The following KLHL20 variants were observed in gnomAD, a reference collection of about 807,000 sequenced individuals.
The protein encoded by KLHL20 is kelch like family member 20.
A neutral mutation model predicts 69.5 loss-of-function variants in KLHL20; 29 were observed. The ratio of observed to expected loss-of-function variants is 0.42; its 90% CI spans 0.31 to 0.57. The LOEUF is 0.57. Ranked by LOEUF, KLHL20 falls within the 20% of genes least tolerant of loss-of-function variation. The pLI is 0.18. For missense variants in KLHL20, 419 were observed against 776.0 expected (o/e 0.54, Z 5.47); for synonymous variants, 253 against 265.2 (o/e 0.95, Z 0.45).
At chr1:173,763,375 GA>G (rs746689696) in intron 7 of KLHL20, among the ~76,000 whole-genome samples, 18 of 152,056 alleles carry the variant, frequency 1.2e-4, no homozygotes, top group African/African-American at 2.2e-4. Flanking sequence ...CACAGAATTA[GA>G]AAAAAACAAT....
chr1:173,781,564 C>T (rs1648879649), intron 10 of KLHL20, among the ~76,000 whole-genome samples: 1 of 152,164 alleles, frequency 6.6e-6, no homozygotes, highest in Non-Finnish European at 1.5e-5. Flanking sequence ...GATCCACCGA[C>T]CTCAGCCTCC....
intron 10 of KLHL20, 179 bp from the exon 11 acceptor site, chr1:173,781,945 T>G (rs1049965803): frequency 7.6e-6 from 4 of 524,446 alleles, no homozygotes; most frequent in Non-Finnish European, 1.4e-5. Flanking sequence ...GAATATATAA[T>G]TTTATAGTTC....
At chr1:173,718,520 TG>T (rs1473147490) in intron 2 of KLHL20, among the ~76,000 whole-genome samples, 1 of 145,858 alleles carries the variant, frequency 6.9e-6, no homozygotes, top group Non-Finnish European at 1.5e-5. Context: ...AACCCCAACC[TG>T]GGCAACAGAG....
At chr1:173,755,051 G>T (rs1443488016) in intron 5 of KLHL20, among the ~76,000 whole-genome samples, 1 of 146,684 alleles carries the variant, frequency 6.8e-6, no homozygotes, top group Non-Finnish European at 1.5e-5. Flanking sequence ...GGAGATCAAA[G>T]TCTTTGTCTT....
chr1:173,727,643 C>G (rs972032583), intron 2 of KLHL20, among the ~76,000 whole-genome samples: 1 of 152,098 alleles, frequency 6.6e-6, no homozygotes, highest in Non-Finnish European at 1.5e-5. Flanking sequence ...TCATATCCAG[C>G]CAAACTAAGC....
chr1:173,726,364 A>G (rs1671959249), intron 2 of KLHL20, among the ~76,000 whole-genome samples: 1 of 151,518 alleles, frequency 6.6e-6, no homozygotes, highest in African/African-American at 2.4e-5. Flanking sequence ...ACCTCTGCAC[A>G]CTTAAATGTC....
chr1:173,725,988 C>T (rs1671939523), intron 2 of KLHL20, among the ~76,000 whole-genome samples: 1 of 152,204 alleles, frequency 6.6e-6, no homozygotes, highest in Non-Finnish European at 1.5e-5. Flanking sequence ...AGGGAATTCC[C>T]TTTCCTAGCC....
At chr1:173,753,419 G>T in intron 5 of KLHL20, 112 bp downstream of exon 5, 1 of 763,194 alleles carries the variant, frequency 1.3e-6, no homozygotes, top group Non-Finnish European at 2.2e-6. Flanking sequence ...TGAAACCAGG[G>T]CTTTAATTTA....
chr1:173,715,784 C>T (rs1271803945), intron 1 of KLHL20: 4 of 458,674 alleles, frequency 8.7e-6, no homozygotes, highest in Non-Finnish European at 1.2e-5. Flanking sequence ...ATTTAGCATA[C>T]TTTCCCTCAC....
intron 7 of KLHL20, among the ~76,000 whole-genome samples, chr1:173,763,104 C>G (rs1647426209): frequency 2.0e-5 from 3 of 151,946 alleles, no homozygotes; most frequent in Non-Finnish European, 4.4e-5. Flanking sequence ...AGAATCAAAT[C>G]AAGAACTCAA....
At position 173,768,049 on chromosome 1, in the gene KLHL20, G is replaced by T. The variant is rs1226874878; in HGVS notation, c.1295+1760G>T. ...GCATACCACTTGTGAAATCTGTTCT[G>T]ATTTTTTTCCTGAATCTACCTGGAG... On this transcript the variant is annotated intron_variant, in intron 8 of 11. Coordinates refer to ENST00000209884, the MANE Select transcript of KLHL20 (RefSeq NM_014458.4). 2.0e-5 allele frequency among the ~76,000 whole-genome samples: 3 copies of T among 152,068 alleles called. No homozygotes were observed. In the East Asian group the frequency reaches 5.8e-4, roughly 29 times the overall value.
chr1:173,751,648 G>A (rs567685695), intron 3 of KLHL20, 116 bp from the exon 4 acceptor site: 31 of 887,588 alleles, frequency 3.5e-5, no homozygotes, highest in South Asian at 3.3e-4. Context: ...CTCTGGTATC[G>A]TTTGAAACTT....
rs374227719 is a variant in KLHL20, at chr1:173,728,409, T to G, written c.24-5304T>G. On this transcript the variant is annotated intron_variant, in intron 2 of 11. Coordinates refer to ENST00000209884, the MANE Select transcript of KLHL20 (RefSeq NM_014458.4). ...CAAGTGGACCTAATAGACATCTACA[T>G]AACTCTCCACCCCAAATCAACAGAA... 9.9e-5 allele frequency among the ~76,000 whole-genome samples: 15 copies of G among 152,208 alleles called. No individual in the cohort carries two copies. In the South Asian group the frequency reaches 1.5e-3, roughly 15 times the overall value.
intron 10 of KLHL20, among the ~76,000 whole-genome samples, chr1:173,779,195 A>C (rs1648685868): frequency 1.3e-5 from 2 of 152,152 alleles, no homozygotes; most frequent in Middle Eastern, 3.4e-3. Flanking sequence ...TTCTTCATTG[A>C]CCCACTGGTC....
In KLHL20 at chr1:173,719,104, C is replaced by CAAAAAAAAA. The variant is rs751845202; in HGVS notation, c.23+3041_23+3049dup. 7.5e-5 allele frequency among the ~76,000 whole-genome samples: 8 copies of CAAAAAAAAA among 106,166 alleles called. 1 individual carries two copies. Among genetic ancestry groups the CAAAAAAAAA allele is most frequent in the East Asian group, 5.9e-4 (2 of 3,404 alleles). The allele number at this position is 106,166 out of a possible 152,430, so 69.6% of individuals were successfully genotyped here. A position where few individuals can be genotyped will look rare whatever the true frequency, so the allele number is the denominator to read the frequency against. Reference sequence around the variant, plus strand: ...TGGGCTAAACAGCGGGACTCCGTCTCAAAAAAAAAAAGAAAAATTATTTTG... The same window carrying CAAAAAAAAA: ...TGGGCTAAACAGCGGGACTCCGTCTCAAAAAAAAAAAAAAAAAAAAGAAAAATTATTTTG... On this transcript the variant is annotated intron_variant, in intron 2 of 11. Coordinates refer to ENST00000209884, the MANE Select transcript of KLHL20 (RefSeq NM_014458.4).
intron 10 of KLHL20, among the ~76,000 whole-genome samples, chr1:173,776,128 T>A (rs1028744131): frequency 6.6e-6 from 1 of 152,238 alleles, no homozygotes; most frequent in African/African-American, 2.4e-5. Context: ...AAAGCCATTT[T>A]AACTGGGGTG....
chr1:173,742,660 C>G (rs992707282), intron 3 of KLHL20, among the ~76,000 whole-genome samples: 2 of 149,340 alleles, frequency 1.3e-5, no homozygotes, highest in Non-Finnish European at 3.0e-5. Flanking sequence ...TGTATATACA[C>G]GTATGTGTAT....
intron 2 of KLHL20, among the ~76,000 whole-genome samples, chr1:173,732,318 T>C (rs1558187286): frequency 6.6e-6 from 1 of 151,734 alleles, no homozygotes; most frequent in Non-Finnish European, 1.5e-5. Flanking sequence ...TCTCAAAAAT[T>C]AAAAAAAATC....
intron 10 of KLHL20, 46 bp from the exon 11 acceptor site, chr1:173,782,078 C>T (rs761171274): frequency 3.5e-5 from 46 of 1,315,196 alleles, no homozygotes; most frequent in Admixed American, 1.5e-4. Flanking sequence ...AATTTCCTTA[C>T]GATTGTCTAG....
Sources: allele counts gnomAD v4.1 joint callset (sites outside exome capture counted in the v4.1 genomes callset), GRCh38; gene constraint gnomAD v4.1.1; transcripts MANE v1.5; gene names NCBI Gene and HGNC (gene_info 2026-07-23, HGNC 2026-07-21).